The following NCOA6 variants were observed in gnomAD, a reference collection of about 807,000 sequenced individuals.
The protein encoded by NCOA6 is NRC RAP250.
In NCOA6, 49 loss-of-function variants were observed where a neutral mutation model predicts 171.4. That is an observed-to-expected ratio of 0.29 (90% confidence interval 0.23 to 0.36). The LOEUF (loss-of-function observed/expected upper bound fraction) is 0.36, where lower values mean the gene tolerates loss of function less well. Ranked by LOEUF, NCOA6 falls within the 10% of genes least tolerant of loss-of-function variation. The pLI, the probability that NCOA6 is intolerant of heterozygous loss-of-function variation, is 1.00. For synonymous variants in NCOA6, 910 were observed against 927.5 expected, an observed-to-expected ratio of 0.98 and a Z score of 0.34; for missense variants, 2,248 against 2,554.5, an observed-to-expected ratio of 0.88 and a Z score of 2.59.
chr20:34,793,110 G>A (rs184562916), intron 1 of NCOA6, among the ~76,000 whole-genome samples: 8 of 152,108 alleles, frequency 5.3e-5, no homozygotes, highest in Non-Finnish European at 1.0e-4. Flanking sequence ...CCACTCATCA[G>A]CAAGCATTCA....
intron 9 of NCOA6, among the ~76,000 whole-genome samples, chr20:34,747,885 G>A (rs950805064): frequency 5.9e-5 from 9 of 152,144 alleles, no homozygotes; most frequent in Non-Finnish European, 1.2e-4. Context: ...TCAGAAAATT[G>A]TAGAGATAAG....
intron 1 of NCOA6, among the ~76,000 whole-genome samples, chr20:34,797,961 C>T (rs2078133808): frequency 1.3e-5 from 2 of 152,170 alleles, no homozygotes; most frequent in African/African-American, 4.8e-5. Flanking sequence ...ACTAAGCAGG[C>T]TCTCGGGGTC....
chr20:34,815,434 T>A (rs2078804627), intron 1 of NCOA6, among the ~76,000 whole-genome samples: 1 of 152,116 alleles, frequency 6.6e-6, no homozygotes, highest in Non-Finnish European at 1.5e-5. Flanking sequence ...ATCATTAGCC[T>A]GGACAGTACC....
chr20:34,798,773 G>T (rs1269259497), intron 1 of NCOA6, among the ~76,000 whole-genome samples: 2 of 152,138 alleles, frequency 1.3e-5, no homozygotes, highest in Non-Finnish European at 2.9e-5. Context: ...ACTACACTTG[G>T]GGTGCCACCT....
rs751491338 is a variant in NCOA6, at chr20:34,746,840, G to A, written c.2881C>T (p.Pro961Ser). 5.0e-6 allele frequency: 8 copies of A among 1,607,174 alleles called. No individual in the cohort carries two copies. In the Admixed American group the frequency reaches 6.7e-5, roughly 13 times the overall value. Reference protein sequence around the residue: ...EQGINLDNSGPKLPEFSNRPP... With the variant: ...EQGINLDNSGSKLPEFSNRPP... ...CGGTTTGAAAATTCTGGCAGTTTAG[G>A]GCCTGAGTTATCCAAGTTAATTCCT... Residue 961 changes from proline (P) to serine (S), a missense_variant, in exon 10 of 15, where the codon CCT becomes TCT. Transcript: ENST00000359003.
At chr20:34,783,235 T>C (rs1337557924) in intron 2 of NCOA6, among the ~76,000 whole-genome samples, 2 of 151,906 alleles carry the variant, frequency 1.3e-5, no homozygotes, top group East Asian at 3.9e-4. Flanking sequence ...GGAGCCGAGG[T>C]TGCGTCACTG....
chr20:34,749,319 A>G, intron 9 of NCOA6, 84 bp downstream of exon 9: 1 of 1,436,044 alleles, frequency 7.0e-7, no homozygotes, highest in Non-Finnish European at 9.4e-7. Context: ...TTCTAGTTTT[A>G]TATTCTGTAA....
At chr20:34,738,583 C>A (rs538914033) in intron 11 of NCOA6, among the ~76,000 whole-genome samples, 1 of 152,322 alleles carries the variant, frequency 6.6e-6, no homozygotes, top group Admixed American at 6.5e-5. Flanking sequence ...GTAAGAGCAG[C>A]AGACTTCTTG....
At chr20:34,813,222 T>C (rs1568895550) in intron 1 of NCOA6, among the ~76,000 whole-genome samples, 1 of 150,982 alleles carries the variant, frequency 6.6e-6, no homozygotes, top group Non-Finnish European at 1.5e-5. Flanking sequence ...TCCCAGCACT[T>C]TGGGAGGCCG....
intron 8 of NCOA6, among the ~76,000 whole-genome samples, chr20:34,754,089 C>T (rs993161141): frequency 2.6e-5 from 4 of 152,172 alleles, no homozygotes; most frequent in East Asian, 3.9e-4. Context: ...TGGTAGTAAA[C>T]GTGAACTGAT....
intron 10 of NCOA6, among the ~76,000 whole-genome samples, chr20:34,744,131 T>C (rs1000137159): frequency 2.0e-5 from 3 of 152,222 alleles, no homozygotes; most frequent in Non-Finnish European, 2.9e-5. Flanking sequence ...CTTTCTTACA[T>C]GCAAATCTCT....
intron 1 of NCOA6, among the ~76,000 whole-genome samples, chr20:34,797,568 A>C (rs1383349532): frequency 6.6e-6 from 1 of 151,794 alleles, no homozygotes; most frequent in Non-Finnish European, 1.5e-5. Context: ...CTACAGGGAG[A>C]GACTCCTTCT....
intron 8 of NCOA6, among the ~76,000 whole-genome samples, chr20:34,751,106 C>T (rs2076464759): frequency 6.6e-6 from 1 of 151,326 alleles, no homozygotes; most frequent in Non-Finnish European, 1.5e-5. Context: ...CGCGGTGGCT[C>T]ACGCCTGTAA....
At position 34,750,401 on chromosome 20, in the gene NCOA6, A is replaced by G. The variant is rs775775620; in HGVS notation, c.1794T>C (p.Thr598=). ...TGAGGTTCACTTGAGGAACCCCAGA[A>G]GTACCAGCCTGCTGATTGTTCATGT... ...HGNMNNQQAG[T]SGVPQVNLSN... is the part of the protein sequence containing the mutation. The change falls in exon 9 of 15, where the codon ACT becomes ACC. Residue 598 remains threonine (T), a synonymous_variant. Transcript: ENST00000359003. 4 of 1,614,028 alleles carry G rather than the reference A, an allele frequency of 2.5e-6. No homozygotes were observed. The African/African-American group carries it at 5.3e-5, about 22-fold the overall frequency.
At chr20:34,810,658 C>T (rs1483869962) in intron 1 of NCOA6, among the ~76,000 whole-genome samples, 1 of 152,030 alleles carries the variant, frequency 6.6e-6, no homozygotes, top group Non-Finnish European at 1.5e-5. Context: ...CGGGTTCACG[C>T]CATTCTCCTG....
rs1310095767 is a variant in NCOA6 at position 34,715,384 on chromosome 20, A to C, written c.6149-19T>G. ...GTTATGTCTGTGGGGGAAAGAAAGG[A>C]CATGTTCAGTGGAAGTAACTCTTTA... On this transcript the variant is annotated intron_variant, in intron 14 of 14. Transcript: ENST00000359003. 3 of 1,591,182 alleles carry C rather than the reference A, an allele frequency of 1.9e-6. No homozygotes were observed. The highest frequency in any genetic ancestry group is 2.7e-5 in the African/African-American group (2 of 74,566).
chr20:34,725,154 T>G (rs1010333659), intron 14 of NCOA6, among the ~76,000 whole-genome samples: 1 of 152,230 alleles, frequency 6.6e-6, no homozygotes, highest in African/African-American at 2.4e-5. Flanking sequence ...AATACATATT[T>G]GATAGATGGT....
chr20:34,757,690 A>G lies in NCOA6; in HGVS notation c.1058T>C (p.Met353Thr). 1 of 1,614,062 alleles carries G rather than the reference A, an allele frequency of 6.2e-7. No individual in the cohort carries two copies. The highest frequency in any genetic ancestry group is 8.5e-7 in the Non-Finnish European group (1 of 1,179,996). The change falls in exon 7 of 15, where the codon ATG (methionine) becomes ACG (threonine). Residue 353 changes from methionine (M) to threonine (T), a missense_variant. Transcript: ENST00000359003. The stretch of plus-strand genomic sequence containing the variant: ...TGGTCTTGCCTGGAGTTGCTGTTGC[A>G]TTGGGCCGGGCAAGGGAGCCTTCTT... ...GWKKAPLPGP[M>T]QQQLQARPSL...
intron 4 of NCOA6, among the ~76,000 whole-genome samples, chr20:34,774,229 A>G (rs547360238): frequency 6.6e-6 from 1 of 152,374 alleles, no homozygotes; most frequent in Admixed American, 6.5e-5. Context: ...GGGGTTTTAA[A>G]GAAACCACTT....
Sources: allele counts gnomAD v4.1 joint callset (sites outside exome capture counted in the v4.1 genomes callset), GRCh38; gene constraint gnomAD v4.1.1; transcripts MANE v1.5; gene names NCBI Gene and HGNC (gene_info 2026-07-23, HGNC 2026-07-21).